SRRM4: variants seen among roughly 807,000 people sequenced by gnomAD.
The protein encoded by SRRM4 is serine/arginine repetitive matrix 4.
A neutral mutation model predicts 68.9 loss-of-function variants in SRRM4; 33 were observed. The observed-to-expected ratio is 0.48, with a 90% CI of 0.36 to 0.64. SRRM4 has a LOEUF of 0.64. Among genes scored for constraint, SRRM4 ranks in the 30% least tolerant of loss-of-function variants. SRRM4 has a pLI of 0.00. For synonymous variants in SRRM4, 318 were observed against 318.8 expected (o/e 1.00, Z 0.03); for missense variants, 817 against 827.1 (o/e 0.99, Z 0.15).
At chr12:119,040,203 T>C (rs1312626684) in intron 1 of SRRM4, among the ~76,000 whole-genome samples, 1 of 151,602 alleles carries the variant, frequency 6.6e-6, no homozygotes, top group Admixed American at 6.6e-5. Context: ...TTTTATTTTA[T>C]TTTATTTTTC....
At chr12:119,049,707 A>T (rs1953729508) in intron 1 of SRRM4, among the ~76,000 whole-genome samples, 1 of 152,148 alleles carries the variant, frequency 6.6e-6, no homozygotes, top group Admixed American at 6.5e-5. Flanking sequence ...TTATTTTCTC[A>T]TTGTTTTGAA....
intron 1 of SRRM4, among the ~76,000 whole-genome samples, chr12:119,029,438 T>G (rs1400253415): frequency 1.3e-5 from 2 of 152,154 alleles, no homozygotes; most frequent in Non-Finnish European, 2.9e-5. Context: ...AAGCTAATAA[T>G]GTGCTAGAAA....
intron 1 of SRRM4, among the ~76,000 whole-genome samples, chr12:119,035,957 C>A (rs1257000574): frequency 6.6e-6 from 1 of 152,062 alleles, no homozygotes; most frequent in African/African-American, 2.4e-5. Flanking sequence ...GGGGCTTAGT[C>A]GATCTCTGAT....
chr12:119,117,682 G>A (rs1954189704), intron 4 of SRRM4, among the ~76,000 whole-genome samples: 1 of 152,178 alleles, frequency 6.6e-6, no homozygotes, highest in Non-Finnish European at 1.5e-5. Flanking sequence ...GGGAGACCAA[G>A]GTGGGCAGAT....
chr12:119,127,770 AAGG>A, intron 7 of SRRM4, among the ~76,000 whole-genome samples: 1 of 151,624 alleles, frequency 6.6e-6, no homozygotes, highest in East Asian at 1.9e-4. Flanking sequence ...AAAAAGGGAG[AAGG>A]AGAAGGTAGA....
At chr12:119,033,699 T>C (rs778453119) in intron 1 of SRRM4, among the ~76,000 whole-genome samples, 15 of 152,084 alleles carry the variant, frequency 9.9e-5, no homozygotes, top group Non-Finnish European at 1.8e-4. Flanking sequence ...CCTTTAGACA[T>C]GTTTCGTGTT....
intron 4 of SRRM4, among the ~76,000 whole-genome samples, chr12:119,119,713 C>T (rs7969288): frequency 0.31 from 46,703 of 151,784 alleles, 8,049 homozygotes; most frequent in African/African-American, 0.46. Context: ...AGTAAGAGTT[C>T]CACATGTGGA....
intron 8 of SRRM4, among the ~76,000 whole-genome samples, chr12:119,139,687 C>G (rs769562159): frequency 1.3e-4 from 20 of 152,080 alleles, no homozygotes; most frequent in Non-Finnish European, 2.5e-4. Flanking sequence ...GCTGGTTGTC[C>G]CCTTTGAGAG....
At chr12:119,074,161 C>T (rs1953894899) in intron 1 of SRRM4, among the ~76,000 whole-genome samples, 2 of 151,540 alleles carry the variant, frequency 1.3e-5, no homozygotes, top group Admixed American at 6.6e-5. Context: ...TCTTATCTTC[C>T]CTTCCTCTGA....
intron 1 of SRRM4, among the ~76,000 whole-genome samples, chr12:119,024,843 G>A (rs571185057): frequency 6.6e-6 from 1 of 152,234 alleles, no homozygotes; most frequent in Non-Finnish European, 1.5e-5. Context: ...TGAAAAACAA[G>A]GACTCTCTGT....
intron 1 of SRRM4, among the ~76,000 whole-genome samples, chr12:119,094,638 A>G (rs576212007): frequency 6.6e-6 from 1 of 152,116 alleles, no homozygotes; most frequent in South Asian, 2.1e-4. Context: ...CACTTTCCTG[A>G]CCAATTTCTA....
Position 119,027,821 on chromosome 12 carries a change from G to A in SRRM4, c.131+45808G>A, listed in dbSNP as rs1488081121. ...TGAACCCTCCCGAGACCACAAAGCTGGTATAAATGGAATTTAGAGCAGTCT... is the reference window on the plus strand; with the variant it reads ...TGAACCCTCCCGAGACCACAAAGCTAGTATAAATGGAATTTAGAGCAGTCT... On this transcript the variant is annotated intron_variant, in intron 1 of 12. Coordinates refer to ENST00000267260, the MANE Select transcript of SRRM4 (RefSeq NM_194286.4). Among the ~76,000 whole-genome samples the A allele has an allele frequency of 2.0e-5, 3 of 152,106 alleles. No homozygotes were observed. In the South Asian group the frequency reaches 6.2e-4, roughly 32 times the overall value.
intron 1 of SRRM4, among the ~76,000 whole-genome samples, chr12:119,069,856 A>G (rs1018972089): frequency 3.3e-5 from 5 of 152,162 alleles, no homozygotes; most frequent in South Asian, 2.1e-4. Flanking sequence ...TGCATTTCCA[A>G]CACTTTGGAG....
At chr12:118,988,812 A>G (rs1326174250) in intron 1 of SRRM4, among the ~76,000 whole-genome samples, 2 of 152,230 alleles carry the variant, frequency 1.3e-5, no homozygotes, top group African/African-American at 4.8e-5. Flanking sequence ...CATTCTGTAA[A>G]GAACAATAAA....
intron 1 of SRRM4, among the ~76,000 whole-genome samples, chr12:119,060,723 C>G (rs1056804310): frequency 6.6e-6 from 1 of 152,060 alleles, no homozygotes; most frequent in Admixed American, 6.6e-5. Context: ...GAGAATTTCT[C>G]TCATATGCTG....
intron 1 of SRRM4, among the ~76,000 whole-genome samples, chr12:119,084,127 C>G (rs979282255): frequency 6.6e-6 from 1 of 152,172 alleles, no homozygotes; most frequent in African/African-American, 2.4e-5. Flanking sequence ...TGCCTGAGAT[C>G]ACATAGCAAG....
At chr12:119,147,664 T>C (rs1954412683) in intron 9 of SRRM4, among the ~76,000 whole-genome samples, 1 of 152,368 alleles carries the variant, frequency 6.6e-6, no homozygotes, top group Non-Finnish European at 1.5e-5. Flanking sequence ...GATACAGATA[T>C]ACCATAGTAT....
Position 119,154,321 on chromosome 12 carries a change from C to T in SRRM4, c.1470C>T (p.Tyr490=), listed in dbSNP as rs748918321. The change falls in exon 12 of 13, where the codon TAC becomes TAT. Residue 490 remains tyrosine, a synonymous_variant. Coordinates refer to ENST00000267260, the MANE Select transcript of SRRM4 (RefSeq NM_194286.4). This position sits in a 1 kb window ranked among gnomAD's most constrained non-coding sequence, Gnocchi z 4.7. The part of the protein sequence containing the change: ...RERARRRRRS[Y]SPMRKRRRDS... ...GAGCGCGTCGGAGACGTCGGTCCTA[C>T]TCGCCTATGAGAAAGCGCCGGAGAG... The T allele has an allele frequency of 1.8e-4, 291 of 1,612,940 alleles. No individual in the cohort carries two copies. The highest frequency in any genetic ancestry group is 2.4e-4 in the Non-Finnish European group (281 of 1,179,660).
chr12:119,016,462 A>G (rs6490227), intron 1 of SRRM4, among the ~76,000 whole-genome samples: 42,241 of 151,102 alleles, frequency 0.28, 6,136 homozygotes, highest in Non-Finnish European at 0.31. Flanking sequence ...ATTAAAAAAA[A>G]AAAAAAGAAA....
Sources: allele counts gnomAD v4.1 joint callset (sites outside exome capture counted in the v4.1 genomes callset), GRCh38; gene constraint gnomAD v4.1.1; non-coding constraint Gnocchi (gnomAD v3.1); transcripts MANE v1.5; gene names NCBI Gene and HGNC (gene_info 2026-07-23, HGNC 2026-07-21).